DIP2A: variants seen among roughly 807,000 people sequenced by gnomAD.
DIP2A encodes DIP2 acetate--CoA ligase A.
A neutral mutation model predicts 177.4 loss-of-function variants in DIP2A; 85 were observed. That is an observed-to-expected ratio of 0.48 (90% CI 0.40 to 0.57). DIP2A has a LOEUF of 0.57. DIP2A is among the 20% of genes least tolerant of loss of function. DIP2A has a pLI of 0.00. For missense variants in DIP2A, 1,791 were observed against 2,100.2 expected, an observed-to-expected ratio of 0.85 and a Z score of 2.88; for synonymous variants, 886 against 881.8, an observed-to-expected ratio of 1.00 and a Z score of -0.08.
rs1332931542 is a variant in DIP2A, at chr21:46,549,783, C to G, written c.2535C>G (p.Phe845Leu). The stretch of plus-strand genomic sequence containing the variant: ...TCTCATCCCGCAGGATCGCTGTGTT[C>G]TCTGTGACCGTGCTGCACGACGACC... Reference protein sequence around the residue: ...KFVYRGRIAVFSVTVLHDDRI... With the variant: ...KFVYRGRIAVLSVTVLHDDRI... Residue 845 changes from phenylalanine (F) to leucine (L), a missense_variant, in exon 22 of 38, where the codon TTC becomes TTG. Transcript: ENST00000417564. 1 of 1,613,832 alleles carries G rather than the reference C, an allele frequency of 6.2e-7. No individual in the cohort carries two copies. The highest frequency in any genetic ancestry group is 1.1e-5 in the South Asian group (1 of 91,090).
chr21:46,572,174 A>G (rs1788797604), downstream of DIP2A, among the ~76,000 whole-genome samples: 1 of 152,228 alleles, frequency 6.6e-6, no homozygotes, highest in Non-Finnish European at 1.5e-5. Flanking sequence ...AAAGATGTCT[A>G]AAAATGTTTT....
chr21:46,551,516 T>C (rs1343649689), intron 23 of DIP2A, 118 bp from the exon 24 acceptor site: 10 of 822,736 alleles, frequency 1.2e-5, no homozygotes, highest in South Asian at 1.0e-4. Context: ...TGTATCTCAG[T>C]AGAAGAGTTA....
chr21:46,473,016 T>G (rs886677817), intron 1 of DIP2A, among the ~76,000 whole-genome samples: 2 of 152,212 alleles, frequency 1.3e-5, no homozygotes, highest in African/African-American at 4.8e-5. Context: ...TACTTTTAAT[T>G]AATTAAAATT....
Position 46,557,576 on chromosome 21 carries a change from C to A in DIP2A, c.3630-9C>A, listed in dbSNP as rs767821028. Reference sequence around the variant, plus strand: ...GCGGGCGGAGCCTCACGAGCCTTCCCTCTCGCAGTGTCTACTCGGGACACC... The same window carrying A: ...GCGGGCGGAGCCTCACGAGCCTTCCATCTCGCAGTGTCTACTCGGGACACC... On this transcript the variant is annotated splice_polypyrimidine_tract_variant and intron_variant, in intron 30 of 37. Transcript: ENST00000417564. This position sits in a 1 kb window ranked among gnomAD's most constrained non-coding sequence, Gnocchi z 6.0. The A allele has an allele frequency of 4.4e-6, 7 of 1,602,614 alleles. No individual in the cohort carries two copies. The highest frequency in any genetic ancestry group is 4.0e-5 in the African/African-American group (3 of 74,724).
intron 6 of DIP2A, among the ~76,000 whole-genome samples, chr21:46,505,404 C>G (rs550920709): frequency 6.6e-6 from 1 of 152,114 alleles, no homozygotes; most frequent in South Asian, 2.1e-4. Context: ...GTCAGGAGAT[C>G]GAGACCATCC....
chr21:46,465,884 C>G (rs117286059), intron 1 of DIP2A, among the ~76,000 whole-genome samples: 1 of 152,232 alleles, frequency 6.6e-6, no homozygotes, highest in Non-Finnish European at 1.5e-5. Context: ...GAACTAGCTG[C>G]TTTTATTGTG....
Position 46,485,428 on chromosome 21 carries a change from G to A in DIP2A, c.163+600G>A, listed in dbSNP as rs112380237. The stretch of plus-strand genomic sequence containing the variant: ...GGACAGCTCAGACAAATGCATATGT[G>A]TGCGGACTTTGCACATGGGAATGGT... On this transcript the variant is annotated intron_variant, in intron 2 of 37. Transcript: ENST00000417564. Among the ~76,000 whole-genome samples the A allele has an allele frequency of 1.7e-3, 261 of 152,324 alleles. 3 individuals carry two copies. Among genetic ancestry groups the A allele is most frequent in the African/African-American group, 5.9e-3 (245 of 41,570 alleles).
chr21:46,524,526 G>A lies in DIP2A; in HGVS notation c.1103-4566G>A, dbSNP rs181901876. 2.6e-4 allele frequency among the ~76,000 whole-genome samples: 40 copies of A among 152,190 alleles called. 1 individual carries two copies. Among genetic ancestry groups the A allele is most frequent in the Admixed American group, 2.1e-3 (32 of 15,278 alleles). On this transcript the variant is annotated intron_variant, in intron 8 of 37. Coordinates refer to ENST00000417564, the MANE Select transcript of DIP2A (RefSeq NM_015151.4). ...CAGTATTGTCCCTTTGGAATTCACCGGGAAGATGTTCCCAGAAAGGGATCC... is the reference window on the plus strand; with the variant it reads ...CAGTATTGTCCCTTTGGAATTCACCAGGAAGATGTTCCCAGAAAGGGATCC...
chr21:46,509,327 C>A lies in DIP2A; in HGVS notation c.855C>A (p.Arg285=). The A allele has an allele frequency of 6.2e-7, 1 of 1,613,718 alleles. No homozygotes were observed. Among genetic ancestry groups the A allele is most frequent in the Non-Finnish European group, 8.5e-7 (1 of 1,179,776 alleles). Residue 285 remains arginine, a synonymous_variant, in exon 7 of 38, where the codon CGC becomes CGA. Transcript: ENST00000417564. ...QLLNTLKRPK[R]PPLKEFFVDD... Reference sequence around the variant, plus strand: ...TGAACACCCTGAAGAGGCCAAAGCGCCCTCCACTGAAGGAGTTCTTTGTGG... The same window carrying A: ...TGAACACCCTGAAGAGGCCAAAGCGACCTCCACTGAAGGAGTTCTTTGTGG...
At chr21:46,531,518 C>G (rs1324547395) in intron 9 of DIP2A, among the ~76,000 whole-genome samples, 1 of 152,142 alleles carries the variant, frequency 6.6e-6, no homozygotes, top group Non-Finnish European at 1.5e-5. Context: ...AGAATGAATT[C>G]AAGAATCACT....
chr21:46,546,423 T>C, intron 20 of DIP2A: 1 of 530,516 alleles, frequency 1.9e-6, no homozygotes, highest in Non-Finnish European at 2.5e-6. Flanking sequence ...GGAGTGCTCC[T>C]GGCATCTAGT....
Position 46,509,262 on chromosome 21 carries a change from C to G in DIP2A, c.790C>G (p.Pro264Ala), listed in dbSNP as rs1398539811. ...CTCTGTCCTTCCCGTGACAGGTGTC[C>G]CTGTGAACAGCAGAGTGTCCTCCAA... ...GSMLETADGV[P>A]VNSRVSSKIQ... is the part of the protein sequence containing the mutation. Residue 264 changes from proline (P) to alanine (A), a missense_variant, in exon 7 of 38, where the codon CCT (proline) becomes GCT (alanine). By Grantham distance (27) the Pro-to-Ala change is conservative. Coordinates refer to ENST00000417564, the MANE Select transcript of DIP2A (RefSeq NM_015151.4). 1 of 1,612,460 alleles carries G rather than the reference C, an allele frequency of 6.2e-7. No individual in the cohort carries two copies. Among genetic ancestry groups the G allele is most frequent in the Admixed American group, 1.7e-5 (1 of 59,612 alleles).
chr21:46,537,223 G>A lies in DIP2A; in HGVS notation c.1643-1G>A. 1 of 1,614,046 alleles carries A rather than the reference G, an allele frequency of 6.2e-7. No homozygotes were observed. Among genetic ancestry groups the A allele is most frequent in the Non-Finnish European group, 8.5e-7 (1 of 1,179,902 alleles). On this transcript the variant is annotated splice_acceptor_variant, in intron 13 of 37. Transcript: ENST00000417564. LOFTEE classifies it high-confidence loss of function. The surrounding 1 kb of genome is among the most constrained non-coding windows in gnomAD (Gnocchi z 4.1). ...GTGTCACCTTCTTTGTCCACTTGCA[G>A]CTGAAACATTAACAAACGTGCTGGA...
intron 25 of DIP2A, among the ~76,000 whole-genome samples, chr21:46,552,640 T>TA (rs1036643583): frequency 2.0e-5 from 3 of 152,096 alleles, no homozygotes; most frequent in African/African-American, 7.2e-5. Flanking sequence ...TCATTCGAAT[T>TA]AAAAAAATAC....
At chr21:46,469,313 T>G (rs1258000987) in intron 1 of DIP2A, 1 of 152,250 alleles carries the variant, frequency 6.6e-6, no homozygotes, top group African/African-American at 2.4e-5. Flanking sequence ...CAAACTTAGC[T>G]TTTTTACAGC....
At chr21:46,470,212 T>C (rs1415219888) in intron 1 of DIP2A, among the ~76,000 whole-genome samples, 1 of 151,902 alleles carries the variant, frequency 6.6e-6, no homozygotes, top group Non-Finnish European at 1.5e-5. Context: ...CAGTAGCTCA[T>C]GCCTGTAACC....
the DIP2A span, among the ~76,000 whole-genome samples, chr21:46,575,575 G>A: frequency 3.5e-3 from 529 of 152,146 alleles, 5 homozygotes; most frequent in African/African-American, 0.012. Flanking sequence ...AGGATACAAG[G>A]TCAACACACA....
intron 1 of DIP2A, among the ~76,000 whole-genome samples, chr21:46,461,625 T>C (rs2054320625): frequency 6.6e-6 from 1 of 152,200 alleles, no homozygotes; most frequent in African/African-American, 2.4e-5. Context: ...ATGAAAGAAA[T>C]GTTTCCTATC....
downstream of DIP2A, among the ~76,000 whole-genome samples, chr21:46,574,689 A>G (rs768512901): frequency 3.9e-5 from 6 of 152,160 alleles, no homozygotes; most frequent in Non-Finnish European, 8.8e-5. Context: ...ATGCCAACAA[A>G]TGGAAAAACC....
Sources: allele counts gnomAD v4.1 joint callset (sites outside exome capture counted in the v4.1 genomes callset), GRCh38; gene constraint gnomAD v4.1.1; non-coding constraint Gnocchi (gnomAD v3.1); transcripts MANE v1.5; gene names NCBI Gene and HGNC (gene_info 2026-07-23, HGNC 2026-07-21).